The following COP1 variants were observed in gnomAD, a reference collection of about 807,000 sequenced individuals.
COP1 encodes COP1 E3 ubiquitin ligase, also known as E3 ubiquitin-protein ligase COP1.
In COP1, 24 loss-of-function variants were observed where a neutral mutation model predicts 101.3. The ratio of observed to expected loss-of-function variants is 0.24; its 90% CI spans 0.17 to 0.33. The LOEUF (loss-of-function observed/expected upper bound fraction) is 0.33, where lower values mean the gene tolerates loss of function less well. Among genes scored for constraint, COP1 ranks in the 10% least tolerant of loss-of-function variants. COP1 has a pLI of 1.00. For synonymous variants in COP1, 347 were observed against 341.9 expected, an observed-to-expected ratio of 1.01 and a Z score of -0.17; for missense variants, 663 against 906.2, an observed-to-expected ratio of 0.73 and a Z score of 3.45.
At chr1:176,083,820 G>A (rs1159341249) in intron 10 of COP1, among the ~76,000 whole-genome samples, 1 of 152,134 alleles carries the variant, frequency 6.6e-6, no homozygotes, top group Non-Finnish European at 1.5e-5. Context: ...GAGGTACTAG[G>A]AGGAACTTAC....
intron 15 of COP1, among the ~76,000 whole-genome samples, chr1:176,003,145 T>A (rs1416453034): frequency 6.6e-6 from 1 of 152,204 alleles, no homozygotes; most frequent in Non-Finnish European, 1.5e-5. Flanking sequence ...TTTGGCTGCA[T>A]AAATGTCTTC....
chr1:176,117,634 C>T (rs942323923), intron 8 of COP1, among the ~76,000 whole-genome samples: 1 of 152,216 alleles, frequency 6.6e-6, no homozygotes. Context: ...GTCGCTCACG[C>T]CTGTAATCCC....
chr1:175,988,254 T>C, intron 17 of COP1, 34 bp downstream of exon 17: 1 of 1,578,078 alleles, frequency 6.3e-7, no homozygotes, highest in South Asian at 1.2e-5. Context: ...CAAACACCTG[T>C]TAAAAAGTTC....
intron 14 of COP1, among the ~76,000 whole-genome samples, chr1:176,028,643 C>T: frequency 7.8e-6 from 1 of 127,536 alleles, no homozygotes; most frequent in South Asian, 2.5e-4. Flanking sequence ...ACAACTAAGA[C>T]ATAAAAGACA....
intron 15 of COP1, among the ~76,000 whole-genome samples, chr1:176,025,920 T>C (rs1667587412): frequency 6.6e-6 from 1 of 151,146 alleles, no homozygotes; most frequent in Non-Finnish European, 1.5e-5. Flanking sequence ...CCCAAACAAA[T>C]AAAAAAGACA....
chr1:176,179,186 A>G (rs1156523327), intron 2 of COP1, among the ~76,000 whole-genome samples: 11 of 151,778 alleles, frequency 7.2e-5, no homozygotes, highest in African/African-American at 2.7e-4. Context: ...GCTACTCAGT[A>G]GGCCGAGGCA....
In COP1 at chr1:176,136,058, ACTATATTAAACTGTAAATTCC is replaced by A. The variant is rs533924575; in HGVS notation, c.891+409_891+429del. 2.0e-4 allele frequency among the ~76,000 whole-genome samples: 30 copies of A among 152,194 alleles called. 1 individual carries two copies. The highest frequency in any genetic ancestry group is 1.9e-3 in the Admixed American group (29 of 15,270). On this transcript the variant is annotated intron_variant, in intron 7 of 19. Transcript: ENST00000367669. ...TCCTCCCATAAATTTCCTTAGGTAA[ACTATATTAAACTGTAAATTCC>A]CAGAATATTGGTAATGTATTCTTAT...
intron 6 of COP1, among the ~76,000 whole-genome samples, chr1:176,137,400 T>C (rs1460627719): frequency 6.6e-6 from 1 of 152,166 alleles, no homozygotes; most frequent in Non-Finnish European, 1.5e-5. Context: ...TTATTGAGAG[T>C]ATTAAAAATA....
chr1:176,008,350 G>A (rs949713342), intron 15 of COP1, among the ~76,000 whole-genome samples: 2 of 152,124 alleles, frequency 1.3e-5, no homozygotes, highest in Admixed American at 6.5e-5. Context: ...GTTCCTATTC[G>A]GCCATCTTTG....
Position 176,162,851 on chromosome 1 carries a change from A to C in COP1, c.762+18T>G, listed in dbSNP as rs1694546006. 1.3e-6 allele frequency: 2 copies of C among 1,560,314 alleles called. No individual in the cohort carries two copies. Among genetic ancestry groups the C allele is most frequent in the African/African-American group, 1.4e-5 (1 of 72,344 alleles). On this transcript the variant is annotated intron_variant, in intron 5 of 19. Transcript: ENST00000367669. ...AGTTCATCATTTAAAATTTTTTTTA[A>C]GTTTAGCTACCACTTACTGCTTCCA... is the stretch of plus-strand genomic sequence containing the variant.
At position 175,966,280 on chromosome 1, in the gene COP1, TACACACACACACACAC is replaced by T. The variant is rs66711924; in HGVS notation, c.2134-19057_2134-19042del. On this transcript the variant is annotated intron_variant, in intron 18 of 19. Coordinates refer to ENST00000367669, the MANE Select transcript of COP1 (RefSeq NM_022457.7). ...TTAGCTGTCTGAATTGTGTTTGCAA[TACACACACACACACAC>T]ACACACACACACACACACAAACACT... Among the ~76,000 whole-genome samples, 17 of 150,262 alleles carry T rather than the reference TACACACACACACACAC, an allele frequency of 1.1e-4. No homozygotes were observed. The South Asian group carries it at 1.7e-3, about 15-fold the overall frequency.
chr1:176,133,729 C>G (rs1689334189), intron 8 of COP1: 4 of 365,816 alleles, frequency 1.1e-5, no homozygotes, highest in Middle Eastern at 8.4e-4. Flanking sequence ...GATCTGGAAA[C>G]AATATATACA....
intron 18 of COP1, among the ~76,000 whole-genome samples, chr1:175,957,548 T>C (rs1650824816): frequency 6.6e-6 from 1 of 152,206 alleles, no homozygotes; most frequent in South Asian, 2.1e-4. Flanking sequence ...AATCACCTAA[T>C]GGCATTTCTC....
chr1:176,157,662 A>T (rs1049408624), intron 5 of COP1, among the ~76,000 whole-genome samples: 7 of 152,250 alleles, frequency 4.6e-5, no homozygotes, highest in South Asian at 2.1e-4. Context: ...GTTTCCAAGT[A>T]ACTTAACTAC....
intron 2 of COP1, among the ~76,000 whole-genome samples, 163 bp downstream of exon 2, chr1:176,184,470 G>A (rs1407525883): frequency 1.3e-5 from 2 of 151,804 alleles, no homozygotes; most frequent in African/African-American, 2.4e-5. Context: ...CAGCCATTAT[G>A]TTAACAGCCT....
chr1:176,022,528 A>T (rs933174504), intron 15 of COP1, among the ~76,000 whole-genome samples: 4 of 152,232 alleles, frequency 2.6e-5, no homozygotes, highest in African/African-American at 9.6e-5. Flanking sequence ...AAACAGTGTT[A>T]TTTCATAAAG....
rs201952794 is a variant in COP1, at chr1:176,027,552, A to C, written c.1729+20T>G. The C allele has an allele frequency of 4.4e-5, 62 of 1,414,840 alleles. No individual in the cohort carries two copies. The highest frequency in any genetic ancestry group is 5.5e-5 in the Non-Finnish European group (55 of 999,348). 87.6% of individuals were successfully genotyped at this position (1,414,840 alleles called of 1,614,324 possible). On this transcript the variant is annotated intron_variant, in intron 15 of 19. Coordinates refer to ENST00000367669, the MANE Select transcript of COP1 (RefSeq NM_022457.7). ...ATTTAACCAACATCAAAGGAAGACA[A>C]ATCTGCTTTCATTTCTTACCTGCAC...
intron 18 of COP1, among the ~76,000 whole-genome samples, chr1:175,965,441 T>C (rs1461191080): frequency 6.6e-6 from 1 of 152,198 alleles, no homozygotes; most frequent in Non-Finnish European, 1.5e-5. Flanking sequence ...CTTCATCCTA[T>C]TGGGCCACTG....
intron 1 of COP1, among the ~76,000 whole-genome samples, chr1:176,186,008 C>T (rs373003068): frequency 1.3e-5 from 2 of 152,028 alleles, no homozygotes; most frequent in South Asian, 2.1e-4. Context: ...TATTACAACA[C>T]AATGTGAAAA....
Sources: gnomAD v4.1 joint callset for allele counts (sites outside exome capture counted in the v4.1 genomes callset) on GRCh38, gnomAD v4.1.1 for gene constraint, MANE v1.5 for transcripts, NCBI Gene and HGNC (gene_info 2026-07-23, HGNC 2026-07-21) for gene names.